The following BCL2L13 variants were observed in gnomAD, a reference collection of about 807,000 sequenced individuals.
The protein encoded by BCL2L13 is bcl-2-like protein 13.
Under a neutral mutation model 25.8 loss-of-function variants are expected in BCL2L13, and 13 were observed. The observed-to-expected ratio is 0.50, with a 90% CI of 0.33 to 0.80. The LOEUF is 0.80. Ranked by LOEUF, BCL2L13 falls within the 30% of genes least tolerant of loss-of-function variation. BCL2L13 has a pLI of 0.02. For missense variants in BCL2L13, 504 were observed against 574.9 expected (o/e 0.88, Z 1.26); for synonymous variants, 244 against 230.3 (o/e 1.06, Z -0.54).
chr22:17,681,975 C>T (rs1011405042), intron 2 of BCL2L13, among the ~76,000 whole-genome samples: 2 of 152,126 alleles, frequency 1.3e-5, no homozygotes, highest in South Asian at 2.1e-4. Context: ...TACATACATA[C>T]GTACGTACAT....
At chr22:17,655,084 T>G (rs1183034329) in intron 1 of BCL2L13, among the ~76,000 whole-genome samples, 1 of 152,018 alleles carries the variant, frequency 6.6e-6, no homozygotes, top group Non-Finnish European at 1.5e-5. Flanking sequence ...TTCCTTTTCC[T>G]TTTAAACTGT....
At chr22:17,676,450 G>A (rs573736624) in intron 2 of BCL2L13, among the ~76,000 whole-genome samples, 2 of 152,268 alleles carry the variant, frequency 1.3e-5, no homozygotes, top group South Asian at 2.1e-4. Context: ...GTGACAGAGC[G>A]AGACTCTGTC....
intron 6 of BCL2L13, among the ~76,000 whole-genome samples, chr22:17,723,825 C>T (rs529725490): frequency 7.3e-5 from 11 of 151,414 alleles, no homozygotes; most frequent in East Asian, 1.9e-4. Context: ...TCCAGCTACT[C>T]GGGAGGCTGA....
chr22:17,641,185 C>T (rs1174000239), intron 1 of BCL2L13, among the ~76,000 whole-genome samples: 2 of 151,952 alleles, frequency 1.3e-5, no homozygotes, highest in South Asian at 4.1e-4. Flanking sequence ...CCACTGCGCC[C>T]GGCCTAAATA....
chr22:17,674,452 G>T (rs1255080581), intron 2 of BCL2L13, among the ~76,000 whole-genome samples: 2 of 151,688 alleles, frequency 1.3e-5, no homozygotes, highest in Non-Finnish European at 2.9e-5. Flanking sequence ...TAAAAATATA[G>T]GAAATTAGCC....
At chr22:17,715,702 G>T (rs2060928443) in intron 6 of BCL2L13, among the ~76,000 whole-genome samples, 1 of 152,150 alleles carries the variant, frequency 6.6e-6, no homozygotes. Context: ...TATGAGTTTA[G>T]AAGTAACAAG....
chr22:17,656,110 A>G (rs963766814), intron 2 of BCL2L13, among the ~76,000 whole-genome samples: 3 of 151,378 alleles, frequency 2.0e-5, no homozygotes, highest in Non-Finnish European at 2.9e-5. Context: ...GCATGGTGGC[A>G]TGCGCCTGTA....
chr22:17,637,520 G>T (rs1178052338), upstream of BCL2L13, among the ~76,000 whole-genome samples: 1 of 151,618 alleles, frequency 6.6e-6, no homozygotes, highest in Non-Finnish European at 1.5e-5. Context: ...GATTACAGGC[G>T]CGTGACACCA....
intron 2 of BCL2L13, among the ~76,000 whole-genome samples, chr22:17,658,143 A>G (rs961849937): frequency 6.7e-5 from 10 of 150,088 alleles, no homozygotes; most frequent in African/African-American, 2.5e-4. Context: ...CGTCCAATTC[A>G]CCCTTTCTTC....
At chr22:17,664,340 G>A (rs906008895) in intron 2 of BCL2L13, among the ~76,000 whole-genome samples, 1 of 152,212 alleles carries the variant, frequency 6.6e-6, no homozygotes, top group Non-Finnish European at 1.5e-5. Context: ...TCACATCCAG[G>A]TTGTGCTGAT....
intron 6 of BCL2L13, among the ~76,000 whole-genome samples, chr22:17,719,153 C>CA (rs59630355): frequency 0.087 from 3,905 of 45,018 alleles, 398 homozygotes; most frequent in African/African-American, 0.17. Context: ...GGCTCTGTCT[C>CA]AAAAAAAAAA....
upstream of BCL2L13, chr22:17,638,601 G>A: frequency 9.3e-7 from 1 of 1,070,280 alleles, no homozygotes; most frequent in Non-Finnish European, 1.2e-6. Flanking sequence ...GATTTGGGCG[G>A]GCTAGGAGGG....
chr22:17,714,019 C>T (rs566034372), intron 6 of BCL2L13, among the ~76,000 whole-genome samples: 1,819 of 151,788 alleles, frequency 0.012, 44 homozygotes, highest in African/African-American at 0.042. Flanking sequence ...TGTGGCTGGG[C>T]GCGGAGGCTC....
At chr22:17,711,686 C>T (rs902688923) in intron 6 of BCL2L13, among the ~76,000 whole-genome samples, 1 of 152,126 alleles carries the variant, frequency 6.6e-6, no homozygotes, top group Non-Finnish European at 1.5e-5. Context: ...TTAGTGTTTT[C>T]GTTATGACTC....
chr22:17,679,310 C>G (rs900484156), intron 2 of BCL2L13, among the ~76,000 whole-genome samples: 1 of 140,950 alleles, frequency 7.1e-6, no homozygotes, highest in Non-Finnish European at 1.5e-5. Flanking sequence ...ACCCTTGTGG[C>G]CCAGGCTGGA....
At chr22:17,651,054 C>T (rs1168270038) in intron 1 of BCL2L13, among the ~76,000 whole-genome samples, 5 of 131,444 alleles carry the variant, frequency 3.8e-5, no homozygotes, top group East Asian at 2.4e-4. Flanking sequence ...AGTGCAGTGG[C>T]GCGATCTCGG....
chr22:17,677,820 C>T (rs1473968942), intron 2 of BCL2L13, among the ~76,000 whole-genome samples: 4 of 151,302 alleles, frequency 2.6e-5, no homozygotes, highest in African/African-American at 7.3e-5. Context: ...TGCAGTGAGG[C>T]GAGATCGCGC....
chr22:17,646,953 ATAT>A (rs1568923788), intron 1 of BCL2L13, among the ~76,000 whole-genome samples: 5 of 21,630 alleles, frequency 2.3e-4, no homozygotes, highest in Non-Finnish European at 3.5e-4. Flanking sequence ...ATATATATAT[ATAT>A]TTTTTTTTTT....
chr22:17,681,323 G>A (rs1036935853), intron 2 of BCL2L13, among the ~76,000 whole-genome samples: 7 of 151,774 alleles, frequency 4.6e-5, no homozygotes, highest in Admixed American at 1.3e-4. Flanking sequence ...TGGCTAACAC[G>A]CTGAAACCCT....
Sources: gnomAD v4.1 joint callset for allele counts (sites outside exome capture counted in the v4.1 genomes callset) on GRCh38, gnomAD v4.1.1 for gene constraint, MANE v1.5 for transcripts, NCBI Gene and HGNC (gene_info 2026-07-23, HGNC 2026-07-21) for gene names.